The following CCDC138 variants were observed in gnomAD, a reference collection of about 807,000 sequenced individuals.
CCDC138 encodes coiled-coil domain containing 138.
Under a neutral mutation model 82.3 loss-of-function variants are expected in CCDC138, and 66 were observed. The ratio of observed to expected loss-of-function variants is 0.80; its 90% CI spans 0.66 to 0.98. CCDC138 has a LOEUF of 0.98. CCDC138 is among the 50% of genes least tolerant of loss of function. The pLI, the probability that CCDC138 is intolerant of heterozygous loss-of-function variation, is 0.00. For missense variants in CCDC138, 816 were observed against 758.9 expected, an observed-to-expected ratio of 1.08 and a Z score of -0.88; for synonymous variants, 297 against 265.4, an observed-to-expected ratio of 1.12 and a Z score of -1.16.
chr2:108,846,889 G>C lies in CCDC138; in HGVS notation c.1475G>C (p.Arg492Thr). The stretch of plus-strand genomic sequence containing the variant: ...TTTAAGAGCTCCAATTTGCCATTGA[G>C]ATTTTTATCAACCTTAATTGTTCTC... ...AFFKSSNLPL[R>T]FLSTLIVLKT... Residue 492 changes from arginine (R) to threonine (T), a missense_variant, in exon 12 of 15, where the codon AGA becomes ACA. Physicochemically the swap from Arg to Thr is moderately conservative, Grantham distance 71. Coordinates refer to ENST00000295124, the MANE Select transcript of CCDC138 (RefSeq NM_144978.3). 6.2e-7 allele frequency: 1 copy of C among 1,613,110 alleles called. No homozygotes were observed. The highest frequency in any genetic ancestry group is 1.3e-5 in the African/African-American group (1 of 74,976).
chr2:108,836,490 C>A (rs1688601228), intron 10 of CCDC138, among the ~76,000 whole-genome samples: 1 of 152,028 alleles, frequency 6.6e-6, no homozygotes, highest in Non-Finnish European at 1.5e-5. Context: ...CTTTCAAGAC[C>A]CTGTTTTCAA....
rs35540493 is a variant in CCDC138, at chr2:108,857,066, C to CT, written c.1693+127dup. The CT allele has an allele frequency of 5.6e-3, 249 of 44,082 alleles. 88 individuals carry two copies. The highest frequency in any genetic ancestry group is 0.019 in the African/African-American group (154 of 8,088). The allele number at this position is 44,082 out of a possible 1,614,324, so 2.7% of individuals were successfully genotyped here. A position where few individuals can be genotyped will look rare whatever the true frequency, so the allele number is the denominator to read the frequency against. ...TAACTCCACATATCAGATACTATTG[C>CT]TTTTTTTTTTTTTTTTTTTTTTTTT... On this transcript the variant is annotated intron_variant, in intron 13 of 14. Transcript: ENST00000295124.
At chr2:108,790,570 C>T (rs772701865) in intron 3 of CCDC138, among the ~76,000 whole-genome samples, 2 of 151,802 alleles carry the variant, frequency 1.3e-5, no homozygotes, top group Non-Finnish European at 2.9e-5. Context: ...GGCATGGTGG[C>T]GGGTGCCTGT....
intron 2 of CCDC138, chr2:108,882,920 T>G (rs1359422376): frequency 6.6e-6 from 1 of 151,994 alleles, no homozygotes; most frequent in Non-Finnish European, 1.5e-5. Flanking sequence ...AGACCTTGTC[T>G]TCTTTATATA....
chr2:108,793,298 A>C (rs1680246837), intron 4 of CCDC138, among the ~76,000 whole-genome samples: 2 of 152,034 alleles, frequency 1.3e-5, no homozygotes, highest in African/African-American at 2.4e-5. Flanking sequence ...GCGCCACTGC[A>C]CTCCAGCCTG....
intron 11 of CCDC138, among the ~76,000 whole-genome samples, chr2:108,843,955 A>T (rs893658156): frequency 6.8e-6 from 1 of 147,750 alleles, no homozygotes; most frequent in African/African-American, 2.5e-5. Context: ...CAGTGGCACA[A>T]TCACGGCTCA....
intron 13 of CCDC138, among the ~76,000 whole-genome samples, chr2:108,873,078 TTTTG>T (rs751609998): frequency 9.2e-5 from 14 of 152,168 alleles, no homozygotes; most frequent in Non-Finnish European, 1.8e-4. Flanking sequence ...TTGATTTGTT[TTTTG>T]TTTTTTTAAT....
intron 6 of CCDC138, among the ~76,000 whole-genome samples, chr2:108,798,852 C>CAG (rs746855718): frequency 6.7e-6 from 1 of 150,006 alleles, no homozygotes; most frequent in South Asian, 2.1e-4. Flanking sequence ...CACACACACA[C>CAG]ATTTTTTCTG....
At chr2:108,813,248 C>CAAAAAAAAAAAAA (rs371435296) in intron 9 of CCDC138, among the ~76,000 whole-genome samples, 1 of 63,542 alleles carries the variant, frequency 1.6e-5, no homozygotes, top group Non-Finnish European at 2.5e-5. Flanking sequence ...GACTCCGTCT[C>CAAAAAAAAAAAAA]AAAAAAAAAA....
chr2:108,879,025 T>G (rs9636370), downstream of CCDC138, among the ~76,000 whole-genome samples: 8 of 151,752 alleles, frequency 5.3e-5, no homozygotes, highest in African/African-American at 1.9e-4. Flanking sequence ...AAGTTCTTTA[T>G]GGTCATGTTC....
chr2:108,833,726 CTTT>C (rs35850089), intron 10 of CCDC138, among the ~76,000 whole-genome samples: 15 of 91,032 alleles, frequency 1.6e-4, no homozygotes, highest in Non-Finnish European at 2.0e-4. Context: ...GTGGAGTAAA[CTTT>C]TTTTTTTTTT....
Position 108,791,695 on chromosome 2 carries a change from CT to C in CCDC138, c.290del (p.Phe97SerfsTer4). ...TAAAGCCTAGATGATGAACTGGATT[CT>C]TTCCATGATTTGAAGAAACAGGAAA... ...NVNCLDDELD[S>X]FHDLKKQETE... On this transcript the variant is annotated frameshift_variant, in exon 4 of 15. Transcript: ENST00000295124. LOFTEE classifies it high-confidence loss of function. 6.2e-7 allele frequency: 1 copy of C among 1,607,352 alleles called. No individual in the cohort carries two copies.
Position 108,876,209 on chromosome 2 carries a change from GGTT to G in CCDC138, c.1955_1957del (p.Gly652_Leu653delinsVal). ...TCTAAATTCAACTCTGTTCAATCTG[GGTT>G]TAACAAAATGTAACTCCCTGGTCTC... On this transcript the variant is annotated inframe_deletion, in exon 15 of 15. Transcript: ENST00000295124. 2 of 1,612,588 alleles carry G rather than the reference GGTT, an allele frequency of 1.2e-6. No individual in the cohort carries two copies. Among genetic ancestry groups the G allele is most frequent in the Non-Finnish European group, 1.7e-6 (2 of 1,179,244 alleles).
chr2:108,875,890 G>A (rs971473865), intron 14 of CCDC138, among the ~76,000 whole-genome samples, 198 bp from the exon 15 acceptor site: 4 of 152,024 alleles, frequency 2.6e-5, no homozygotes, highest in Non-Finnish European at 5.9e-5. Flanking sequence ...TTTCCCCAGT[G>A]GTTTTCTGCT....
chr2:108,861,792 C>T (rs539461691), intron 13 of CCDC138, among the ~76,000 whole-genome samples: 2 of 152,166 alleles, frequency 1.3e-5, no homozygotes, highest in East Asian at 1.9e-4. Flanking sequence ...AAACCTCGGC[C>T]TCCCAAAGTG....
intron 10 of CCDC138, among the ~76,000 whole-genome samples, chr2:108,826,101 A>G (rs1453638706): frequency 6.6e-6 from 1 of 152,070 alleles, no homozygotes; most frequent in Non-Finnish European, 1.5e-5. Context: ...TAATTGAGTT[A>G]TCTTTTTTAT....
chr2:108,873,643 A>C, intron 14 of CCDC138, 54 bp downstream of exon 14: 1 of 1,340,502 alleles, frequency 7.5e-7, no homozygotes, highest in Admixed American at 2.1e-5. Flanking sequence ...TACTGTGATC[A>C]TTTAAACCAG....
At chr2:108,853,890 AG>A (rs1692005683) in intron 12 of CCDC138, among the ~76,000 whole-genome samples, 4 of 123,898 alleles carry the variant, frequency 3.2e-5, no homozygotes, top group African/African-American at 9.6e-5. Flanking sequence ...TATATTATAT[AG>A]TATATATATT....
rs1048088549 is a variant in CCDC138 at position 108,796,723 on chromosome 2, AAGGACAGAC to A, written c.577-1703_577-1695del. On this transcript the variant is annotated intron_variant, in intron 5 of 14. Coordinates refer to ENST00000295124, the MANE Select transcript of CCDC138 (RefSeq NM_144978.3). Reference sequence around the variant, plus strand: ...ATTAAGAGAAATAAGCCAGGCACAGAAGGACAGACATTGCATGTTCTCACTCGTGTGGGG... The same window carrying A: ...ATTAAGAGAAATAAGCCAGGCACAGAATTGCATGTTCTCACTCGTGTGGGG... Among the ~76,000 whole-genome samples, 14 of 152,320 alleles carry A rather than the reference AAGGACAGAC, an allele frequency of 9.2e-5. No individual in the cohort carries two copies. The East Asian group carries it at 2.7e-3, about 29-fold the overall frequency.
Sources: allele counts gnomAD v4.1 joint callset (sites outside exome capture counted in the v4.1 genomes callset), GRCh38; gene constraint gnomAD v4.1.1; transcripts MANE v1.5; gene names NCBI Gene and HGNC (gene_info 2026-07-23, HGNC 2026-07-21).